STK33: variants seen among roughly 807,000 people sequenced by gnomAD.
STK33 encodes the protein serine/threonine-protein kinase 33.
STK33 carries 52 observed loss-of-function variants against 58.0 expected under a neutral mutation model. The ratio of observed to expected loss-of-function variants is 0.90; its 90% CI spans 0.72 to 1.13. The LOEUF (loss-of-function observed/expected upper bound fraction) is 1.13, where lower values mean the gene tolerates loss of function less well. STK33 is among the 50% of genes most tolerant of loss of function. The pLI, the probability that STK33 is intolerant of heterozygous loss-of-function variation, is 0.00. For missense variants in STK33, 630 were observed against 604.2 expected (o/e 1.04, Z -0.45); for synonymous variants, 215 against 200.1 (o/e 1.07, Z -0.63).
chr11:8,338,583 G>A, the STK33 span, among the ~76,000 whole-genome samples: 6 of 152,172 alleles, frequency 3.9e-5, no homozygotes, highest in East Asian at 1.9e-4. Context: ...GGGCTGCCAC[G>A]CACCTCCCTT....
At chr11:8,574,105 C>T (rs9737401) in intron 1 of STK33, among the ~76,000 whole-genome samples, 81,241 of 151,592 alleles carry the variant, frequency 0.54, 21,896 homozygotes, top group South Asian at 0.65. Context: ...TCCCTCCCTC[C>T]CTATCCCCAC....
chr11:8,352,501 T>A, the STK33 span, among the ~76,000 whole-genome samples: 1 of 152,010 alleles, frequency 6.6e-6, no homozygotes, highest in Non-Finnish European at 1.5e-5. Context: ...TGCTCCAGGG[T>A]GTTATAATGG....
chr11:8,405,484 CAT>C (rs1361796004), intron 15 of STK33, among the ~76,000 whole-genome samples: 1 of 151,812 alleles, frequency 6.6e-6, no homozygotes, highest in Non-Finnish European at 1.5e-5. Context: ...AGTCTTCTGT[CAT>C]ATATATTTAT....
At chr11:8,556,283 A>G (rs1214816367) in intron 1 of STK33, among the ~76,000 whole-genome samples, 1 of 152,226 alleles carries the variant, frequency 6.6e-6, no homozygotes, top group Non-Finnish European at 1.5e-5. Context: ...AGAAAGATCA[A>G]TCTAGCAGTA....
intron 1 of STK33, among the ~76,000 whole-genome samples, chr11:8,483,329 G>C (rs1391482599): frequency 1.3e-5 from 2 of 152,094 alleles, no homozygotes. Flanking sequence ...AGAAAAATAG[G>C]AGAGAGAAAG....
rs1179988708 is a variant in STK33 at position 8,557,257 on chromosome 11, AAGGGGAGGGG to A, written c.-466+36816_-466+36825del. ...CAGAGGGGGACCTTGTGGGGAAGGG[AAGGGGAGGGG>A]AGGGGAGGGGAGGGGAGGGGAGGAG... On this transcript the variant is annotated intron_variant, in intron 1 of 15. Transcript: ENST00000687296. Among the ~76,000 whole-genome samples, 12 of 17,958 alleles carry A rather than the reference AAGGGGAGGGG, an allele frequency of 6.7e-4. No individual in the cohort carries two copies. In the East Asian group the frequency reaches 7.2e-3, roughly 11 times the overall value. The allele number at this position is 17,958 out of a possible 152,430, so 11.8% of individuals were successfully genotyped here. A position where few individuals can be genotyped will look rare whatever the true frequency, so the allele number is the denominator to read the frequency against.
the STK33 span, among the ~76,000 whole-genome samples, chr11:8,346,220 C>T: frequency 6.6e-6 from 1 of 152,240 alleles, no homozygotes; most frequent in Admixed American, 6.5e-5. Context: ...GGAGAAGCCA[C>T]TGGAATCCAG....
intron 1 of STK33, among the ~76,000 whole-genome samples, chr11:8,569,202 T>C (rs1364921698): frequency 1.3e-5 from 2 of 152,186 alleles, no homozygotes; most frequent in Admixed American, 6.5e-5. Flanking sequence ...AGAACAATCT[T>C]GAAAAATAAC....
chr11:8,498,858 T>G (rs1023637502), intron 1 of STK33, among the ~76,000 whole-genome samples: 1 of 152,104 alleles, frequency 6.6e-6, no homozygotes, highest in Non-Finnish European at 1.5e-5. Context: ...ATAAATGGTG[T>G]TGGGCAAACT....
At chr11:8,544,551 G>A (rs146933448) in intron 1 of STK33, among the ~76,000 whole-genome samples, 1 of 151,624 alleles carries the variant, frequency 6.6e-6, no homozygotes, top group African/African-American at 2.4e-5. Context: ...TGTAAGGAAA[G>A]TGAACTATAT....
chr11:8,387,850 A>G (rs185582862), downstream of STK33, among the ~76,000 whole-genome samples: 31 of 136,056 alleles, frequency 2.3e-4, no homozygotes, highest in East Asian at 6.6e-3. Flanking sequence ...CAGCCTTGCA[A>G]TTGCTCCTGG....
the STK33 span, among the ~76,000 whole-genome samples, chr11:8,375,704 C>T: frequency 3.3e-5 from 5 of 152,038 alleles, no homozygotes; most frequent in Admixed American, 1.3e-4. Context: ...TGAGTTCTTA[C>T]GAGATCTGAT....
chr11:8,530,731 C>T (rs896908591), intron 1 of STK33, among the ~76,000 whole-genome samples: 4 of 152,080 alleles, frequency 2.6e-5, no homozygotes, highest in African/African-American at 7.2e-5. Flanking sequence ...GCTCTGTCGC[C>T]CAGGCTGGAG....
the STK33 span, among the ~76,000 whole-genome samples, chr11:8,377,461 G>T: frequency 6.6e-6 from 1 of 152,142 alleles, no homozygotes; most frequent in East Asian, 1.9e-4. Flanking sequence ...GCCATTGAAG[G>T]GACTTACCCC....
chr11:8,388,620 G>A (rs1490744600), downstream of STK33, among the ~76,000 whole-genome samples: 3 of 152,174 alleles, frequency 2.0e-5, no homozygotes, highest in Non-Finnish European at 2.9e-5. Flanking sequence ...ACGAAGCCCA[G>A]GAGACGTCTT....
chr11:8,459,402 A>C (rs1947253443), intron 8 of STK33, among the ~76,000 whole-genome samples: 1 of 152,176 alleles, frequency 6.6e-6, no homozygotes, highest in South Asian at 2.1e-4. Context: ...CATTGGAAAA[A>C]TCACAGATGA....
At chr11:8,510,220 T>TAA (rs1952201591) in intron 1 of STK33, among the ~76,000 whole-genome samples, 1 of 152,234 alleles carries the variant, frequency 6.6e-6, no homozygotes, top group East Asian at 1.9e-4. Flanking sequence ...GGTATCTCAT[T>TAA]GTGGTTTTAA....
Position 8,392,311 on chromosome 11 carries a change from C to T in STK33, c.*199G>A. The T allele has an allele frequency of 1.6e-6, 1 of 639,244 alleles. No homozygotes were observed. The allele number at this position is 639,244 out of a possible 1,614,324, so 39.6% of individuals were successfully genotyped here. On this transcript the variant is annotated 3_prime_UTR_variant, in exon 16 of 16. Transcript: ENST00000687296. ...CACTGCCAAGCCTACTGGTGGCTGT[C>T]CTTTAATGCCATGTGCAGCTTATGC...
intron 1 of STK33, among the ~76,000 whole-genome samples, chr11:8,553,188 ATATATATATGGTG>A (rs1424738753): frequency 0.018 from 1,377 of 75,770 alleles, 44 homozygotes; most frequent in African/African-American, 0.066. Flanking sequence ...ATATATATAT[ATATATATATGGTG>A]TATATATATA....
Sources: allele counts gnomAD v4.1 joint callset (sites outside exome capture counted in the v4.1 genomes callset), GRCh38; gene constraint gnomAD v4.1.1; transcripts MANE v1.5; gene names NCBI Gene and HGNC (gene_info 2026-07-23, HGNC 2026-07-21).